The following COG3 variants were observed in gnomAD, a reference collection of about 807,000 sequenced individuals.
COG3 encodes conserved oligomeric Golgi complex subunit 3.
In COG3, 32 loss-of-function variants were observed where a neutral mutation model predicts 114.1. The observed-to-expected ratio is 0.28, with a 90% CI of 0.21 to 0.38. The LOEUF (loss-of-function observed/expected upper bound fraction) is 0.38, where lower values mean the gene tolerates loss of function less well. COG3 is among the 10% of genes least tolerant of loss of function. The probability of loss-of-function intolerance (pLI) is 1.00; values close to 1 mark genes in which losing one functional copy is unlikely to be tolerated. For synonymous variants in COG3, 352 were observed against 365.7 expected (o/e 0.96, Z 0.43); for missense variants, 813 against 973.2 (o/e 0.84, Z 2.19).
intron 14 of COG3, 122 bp downstream of exon 14, chr13:45,503,471 G>C (rs577325658): frequency 2.5e-5 from 15 of 594,584 alleles, no homozygotes; most frequent in Admixed American, 5.7e-5. Flanking sequence ...ACACTTTATG[G>C]GGGGAGATTG....
rs980113518 is a variant in COG3, at chr13:45,491,500, G to C, written c.1057G>C (p.Glu353Gln). The change falls in exon 10 of 23, where the codon GAG becomes CAG. Residue 353 changes from glutamate to glutamine, a missense_variant. By Grantham distance (29) the Glu-to-Gln change is conservative. Transcript: ENST00000349995. The part of the protein sequence containing the change: ...LGPSIACTVA[E>Q]LTSQNNRDHC... ...CCCTAGTATTGCTTGCACTGTTGCA[G>C]AGTTAACCAGCCAAAATAATAGAGA... 1 of 1,613,518 alleles carries C rather than the reference G, an allele frequency of 6.2e-7. No homozygotes were observed. Among genetic ancestry groups the C allele is most frequent in the Non-Finnish European group, 8.5e-7 (1 of 1,179,680 alleles).
intron 19 of COG3, among the ~76,000 whole-genome samples, chr13:45,524,566 A>T (rs769892253): frequency 1.3e-5 from 2 of 152,374 alleles, no homozygotes; most frequent in South Asian, 4.1e-4. Flanking sequence ...AGGAGATTTT[A>T]TCCAGCTAGG....
chr13:45,529,325 A>G (rs907089078), intron 20 of COG3, among the ~76,000 whole-genome samples: 1 of 152,202 alleles, frequency 6.6e-6, no homozygotes, highest in African/African-American at 2.4e-5. Flanking sequence ...TAAGAATATA[A>G]CAAATAGATA....
chr13:45,515,985 T>G (rs572992949), intron 16 of COG3, among the ~76,000 whole-genome samples, 158 bp from the exon 17 acceptor site: 3 of 152,224 alleles, frequency 2.0e-5, no homozygotes, highest in East Asian at 3.8e-4. Flanking sequence ...TTTTTTAACT[T>G]AATTCTAGCA....
At chr13:45,470,890 G>A (rs1182792177) in intron 1 of COG3, among the ~76,000 whole-genome samples, 3 of 152,250 alleles carry the variant, frequency 2.0e-5, no homozygotes, top group African/African-American at 7.2e-5. Flanking sequence ...TTATGTGAAA[G>A]CTACATGTAT....
intron 16 of COG3, among the ~76,000 whole-genome samples, chr13:45,514,544 ATCTAAT>A (rs1593736986): frequency 6.6e-6 from 1 of 152,140 alleles, no homozygotes; most frequent in African/African-American, 2.4e-5. Context: ...ATCCTCTTTT[ATCTAAT>A]TCTGTTTCCT....
intron 17 of COG3, among the ~76,000 whole-genome samples, chr13:45,518,457 A>C (rs1871772507): frequency 6.6e-6 from 1 of 152,232 alleles, no homozygotes; most frequent in Non-Finnish European, 1.5e-5. Context: ...TTAAAAACCT[A>C]TTTAATATCC....
chr13:45,532,405 C>T (rs1410917653), intron 22 of COG3, among the ~76,000 whole-genome samples: 1 of 151,712 alleles, frequency 6.6e-6, no homozygotes, highest in Non-Finnish European at 1.5e-5. Flanking sequence ...AATTTTGTTT[C>T]TTAATGATAT....
At chr13:45,490,176 AT>A (rs1886934110) in intron 8 of COG3, among the ~76,000 whole-genome samples, 2 of 152,296 alleles carry the variant, frequency 1.3e-5, no homozygotes, top group South Asian at 4.1e-4. Flanking sequence ...GCTTCTGAGG[AT>A]TTATGAGACA....
chr13:45,483,785 C>A (rs1886401046), intron 7 of COG3, among the ~76,000 whole-genome samples: 1 of 152,048 alleles, frequency 6.6e-6, no homozygotes, highest in African/African-American at 2.4e-5. Flanking sequence ...TTTAAATTTT[C>A]TTCTTTACCC....
chr13:45,494,415 T>C (rs1313296200), intron 12 of COG3, among the ~76,000 whole-genome samples: 1 of 152,178 alleles, frequency 6.6e-6, no homozygotes, highest in African/African-American at 2.4e-5. Flanking sequence ...AGACACTAAT[T>C]TGTTACTCTT....
intron 12 of COG3, among the ~76,000 whole-genome samples, chr13:45,495,724 T>G (rs1868690219): frequency 6.6e-6 from 1 of 152,210 alleles, no homozygotes; most frequent in South Asian, 2.1e-4. Flanking sequence ...ACTCATACTT[T>G]ATTTTACTTT....
chr13:45,474,476 T>G (rs1393206423), intron 1 of COG3, among the ~76,000 whole-genome samples: 1 of 152,142 alleles, frequency 6.6e-6, no homozygotes, highest in African/African-American at 2.4e-5. Context: ...TTTTTACTCC[T>G]TATAGTAACG....
intron 5 of COG3, among the ~76,000 whole-genome samples, chr13:45,482,063 A>AAGTGAG (rs1420538479): frequency 6.6e-6 from 1 of 152,158 alleles, no homozygotes; most frequent in Non-Finnish European, 1.5e-5. Flanking sequence ...GTATACCAGA[A>AAGTGAG]AGTGAGAAAT....
At chr13:45,518,079 A>G (rs1871731724) in intron 17 of COG3, among the ~76,000 whole-genome samples, 1 of 152,232 alleles carries the variant, frequency 6.6e-6, no homozygotes, top group East Asian at 1.9e-4. Context: ...ACCAGGGTCA[A>G]GGCAGTAAGT....
intron 1 of COG3, among the ~76,000 whole-genome samples, chr13:45,470,225 A>G (rs1036835002): frequency 6.6e-6 from 1 of 152,224 alleles, no homozygotes; most frequent in African/African-American, 2.4e-5. Flanking sequence ...ATATGCATAG[A>G]CCATCTTAGA....
intron 19 of COG3, among the ~76,000 whole-genome samples, chr13:45,520,952 G>A (rs1023993518): frequency 4.6e-5 from 7 of 152,170 alleles, no homozygotes. Flanking sequence ...ACAGCAGAAT[G>A]AATCTTCTGA....
At chr13:45,481,596 T>C (rs761809393) in intron 5 of COG3, among the ~76,000 whole-genome samples, 7 of 152,182 alleles carry the variant, frequency 4.6e-5, no homozygotes, top group Admixed American at 1.3e-4. Flanking sequence ...AGAAGAAATA[T>C]TCAGTTTTAG....
chr13:45,474,694 C>T (rs1044950149), intron 1 of COG3, among the ~76,000 whole-genome samples: 2 of 152,268 alleles, frequency 1.3e-5, no homozygotes, highest in East Asian at 3.9e-4. Flanking sequence ...GACAGTGTTT[C>T]TAAATTAGTG....
Sources: gnomAD v4.1 joint callset for allele counts (sites outside exome capture counted in the v4.1 genomes callset) on GRCh38, gnomAD v4.1.1 for gene constraint, MANE v1.5 for transcripts, NCBI Gene and HGNC (gene_info 2026-07-23, HGNC 2026-07-21) for gene names.